Variants in DCHS2 observed in about 807,000 individuals in gnomAD.
DCHS2 encodes the protein dachsous cadherin-related 2, also known as protocadherin-23.
A neutral mutation model predicts 182.4 loss-of-function variants in DCHS2; 142 were observed. The observed-to-expected ratio is 0.78, with a 90% CI of 0.68 to 0.89. DCHS2 has a LOEUF of 0.89. Ranked by LOEUF, DCHS2 falls within the 40% of genes least tolerant of loss-of-function variation. The probability of loss-of-function intolerance (pLI) is 0.00; values close to 1 mark genes in which losing one functional copy is unlikely to be tolerated. For missense variants in DCHS2, 4,319 were observed against 4,198.6 expected, an observed-to-expected ratio of 1.03 and a Z score of -0.79; for synonymous variants, 1,740 against 1,663.3, an observed-to-expected ratio of 1.05 and a Z score of -1.12.
At chr4:154,261,605 GGGAGGCA>G (rs1458802550) in intron 14 of DCHS2, 32 of 152,182 alleles carry the variant, frequency 2.1e-4, no homozygotes, top group African/African-American at 7.7e-4. Flanking sequence ...GAATTCTAGT[GGGAGGCA>G]TATCCTGTTC....
At chr4:154,311,877 A>G (rs1470971751) in intron 10 of DCHS2, among the ~76,000 whole-genome samples, 1 of 152,156 alleles carries the variant, frequency 6.6e-6, no homozygotes, top group Non-Finnish European at 1.5e-5. Flanking sequence ...TATATATTAA[A>G]TGTATTAAGA....
intron 13 of DCHS2, among the ~76,000 whole-genome samples, chr4:154,285,077 C>T (rs1734331349): frequency 6.6e-6 from 1 of 151,840 alleles, no homozygotes; most frequent in African/African-American, 2.4e-5. Flanking sequence ...AGTGCTGAGG[C>T]CCCCATCCCA....
chr4:154,384,511 C>T (rs756430266), intron 1 of DCHS2: 1 of 1,555,276 alleles, frequency 6.4e-7, no homozygotes, highest in South Asian at 1.2e-5. Flanking sequence ...AAACCTCTGT[C>T]AATGTTCTAA....
In DCHS2 at chr4:154,240,742, T is replaced by G. The variant is rs1560976071; in HGVS notation, c.7154A>C (p.Lys2385Thr). 10 of 1,613,816 alleles carry G rather than the reference T, an allele frequency of 6.2e-6. No individual in the cohort carries two copies. The highest frequency in any genetic ancestry group is 7.6e-6 in the Non-Finnish European group (9 of 1,179,906). The change falls in exon 18 of 20, where the codon AAA becomes ACA. Residue 2385 changes from lysine (K) to threonine (T), a missense_variant. Physicochemically the swap from Lys to Thr is moderately conservative, Grantham distance 78. Transcript: ENST00000357232. ...AAACTTGGTTCCAGGATTACTCTCT[T>G]TGGCAAAACTGAATATGAAAGCTGA... ...LNSAFIFSFA[K>T]ESNPGTKFAI... is the part of the protein sequence containing the mutation.
chr4:154,384,413 C>G (rs148189440), intron 1 of DCHS2: 4 of 1,613,262 alleles, frequency 2.5e-6, no homozygotes, highest in Non-Finnish European at 3.4e-6. Context: ...GGCTTCTGAA[C>G]ACTATAGCAC....
rs986266187 is a variant in DCHS2, at chr4:154,347,064, C to T, written c.2477-11960G>A. On this transcript the variant is annotated intron_variant, in intron 3 of 19. Coordinates refer to ENST00000357232, the MANE Select transcript of DCHS2 (RefSeq NM_001358235.2). ...ATAATCATTATTTCAGTTTAAAATA[C>T]GAGTCTCCCTCCTGCATCAGTACTG... Among the ~76,000 whole-genome samples, 12 of 151,510 alleles carry T rather than the reference C, an allele frequency of 7.9e-5. 1 individual carries two copies. Among genetic ancestry groups the T allele is most frequent in the East Asian group, 1.9e-4 (1 of 5,184 alleles).
chr4:154,274,694 G>A (rs765835384), intron 13 of DCHS2, among the ~76,000 whole-genome samples: 14 of 151,976 alleles, frequency 9.2e-5, no homozygotes, highest in Non-Finnish European at 1.3e-4. Context: ...TAATGAGTAC[G>A]GGAAGAAAGG....
At chr4:154,489,253 C>G in intron 1 of DCHS2, 51 bp downstream of exon 1, 1 of 1,405,052 alleles carries the variant, frequency 7.1e-7, no homozygotes, top group South Asian at 1.5e-5. Context: ...TCACAACCCT[C>G]TCCATCCCTT....
At chr4:154,373,827 C>T in intron 2 of DCHS2, 2 of 1,013,948 alleles carry the variant, frequency 2.0e-6, no homozygotes, top group African/African-American at 1.6e-5. Flanking sequence ...TGTGCAAGCA[C>T]TCAGGGGAGA....
chr4:154,250,078 A>G (rs1453492646), intron 16 of DCHS2, among the ~76,000 whole-genome samples: 1 of 152,200 alleles, frequency 6.6e-6, no homozygotes, highest in Non-Finnish European at 1.5e-5. Context: ...TGCAAATACT[A>G]TGCCATTTTA....
At chr4:154,337,126 T>G (rs1457304316) in intron 3 of DCHS2, among the ~76,000 whole-genome samples, 1 of 152,210 alleles carries the variant, frequency 6.6e-6, no homozygotes, top group Non-Finnish European at 1.5e-5. Context: ...CTTTCTCATC[T>G]GTTATTGGTG....
chr4:154,450,719 G>A (rs910451724), intron 1 of DCHS2, among the ~76,000 whole-genome samples: 6 of 152,116 alleles, frequency 3.9e-5, no homozygotes, highest in African/African-American at 1.2e-4. Flanking sequence ...TGTAATCCCA[G>A]CTACTTGGGA....
At position 154,235,784 on chromosome 4, in the gene DCHS2, C is replaced by CATT; in HGVS notation, c.8865_8867dup (p.Glu2955_Met2956insIle). ...ATTTGGGACTATGAGCGATTATTTT[C>CATT]ATTTCCAAGGTGTCTTCTTTGTTGA... On this transcript the variant is annotated inframe_insertion, in exon 20 of 20. Coordinates refer to ENST00000357232, the MANE Select transcript of DCHS2 (RefSeq NM_001358235.2). 6.2e-7 allele frequency: 1 copy of CATT among 1,613,904 alleles called. No individual in the cohort carries two copies.
intron 14 of DCHS2, among the ~76,000 whole-genome samples, chr4:154,264,799 G>A (rs1340475300): frequency 6.6e-6 from 1 of 152,022 alleles, no homozygotes; most frequent in Non-Finnish European, 1.5e-5. Flanking sequence ...AATAATACTA[G>A]AAGAAAGGCT....
chr4:154,369,312 C>T (rs555858974), intron 2 of DCHS2, among the ~76,000 whole-genome samples: 1 of 152,204 alleles, frequency 6.6e-6, no homozygotes, highest in Non-Finnish European at 1.5e-5. Context: ...TCTCACAGAG[C>T]CTTTTGCACA....
chr4:154,313,001 G>A (rs1279196985), intron 10 of DCHS2, among the ~76,000 whole-genome samples: 4 of 152,144 alleles, frequency 2.6e-5, no homozygotes, highest in Non-Finnish European at 4.4e-5. Context: ...TGCAGCACCA[G>A]GGATTCCAGA....
chr4:154,460,629 G>A (rs1011900910), intron 1 of DCHS2, among the ~76,000 whole-genome samples: 4 of 152,048 alleles, frequency 2.6e-5, no homozygotes, highest in African/African-American at 7.2e-5. Flanking sequence ...TCTTAAGGCT[G>A]GTGGAAATAG....
chr4:154,431,756 C>G (rs1241709659), intron 1 of DCHS2, among the ~76,000 whole-genome samples: 1 of 152,184 alleles, frequency 6.6e-6, no homozygotes, highest in East Asian at 1.9e-4. Flanking sequence ...TCACCTGGCT[C>G]TAAGTTCCCA....
chr4:154,420,246 C>CAGATTAGATAGAT (rs1553950395), intron 1 of DCHS2, among the ~76,000 whole-genome samples: 1 of 144,748 alleles, frequency 6.9e-6, no homozygotes, highest in Non-Finnish European at 1.5e-5. Context: ...GACAGACAGA[C>CAGATTAGATAGAT]AGATAGATAG....
Sources: allele counts gnomAD v4.1 joint callset (sites outside exome capture counted in the v4.1 genomes callset), GRCh38; gene constraint gnomAD v4.1.1; transcripts MANE v1.5; gene names NCBI Gene and HGNC (gene_info 2026-07-23, HGNC 2026-07-21).